The following REC114 variants were observed in gnomAD, a reference collection of about 807,000 sequenced individuals.
REC114 encodes REC114 meiotic recombination protein.
A neutral mutation model predicts 31.3 loss-of-function variants in REC114; 27 were observed. The ratio of observed to expected loss-of-function variants is 0.86; its 90% CI spans 0.64 to 1.19. The LOEUF (loss-of-function observed/expected upper bound fraction) is 1.19. Ranked by LOEUF, REC114 falls within the 50% of genes most tolerant of loss-of-function variation. REC114 has a pLI of 0.00. For missense variants in REC114, 344 were observed against 326.9 expected, an observed-to-expected ratio of 1.05 and a Z score of -0.40; for synonymous variants, 134 against 127.7, an observed-to-expected ratio of 1.05 and a Z score of -0.33.
intron 1 of REC114, among the ~76,000 whole-genome samples, chr15:73,459,024 T>G (rs141826960): frequency 3.3e-4 from 50 of 152,308 alleles, no homozygotes; most frequent in African/African-American, 1.1e-3. Context: ...CAAAAACAAC[T>G]ACTTAATGAG....
chr15:73,455,728 CA>C (rs1357581754), intron 1 of REC114, among the ~76,000 whole-genome samples: 2 of 152,122 alleles, frequency 1.3e-5, no homozygotes, highest in Non-Finnish European at 1.5e-5. Flanking sequence ...AATTCGGAAG[CA>C]AATAAACTTT....
At position 73,535,491 on chromosome 15, in the gene REC114, G is replaced by A. The variant is rs796644243; in HGVS notation, c.250-4994G>A. 1.8e-3 allele frequency among the ~76,000 whole-genome samples: 276 copies of A among 151,398 alleles called. 1 individual carries two copies. Among genetic ancestry groups the A allele is most frequent in the Middle Eastern group, 0.014 (4 of 292 alleles). ...AAGGGATGTGAAGGACCTCTTCAAG[G>A]AGAAGTACAAACCACTGCTCAAGGA... is the stretch of plus-strand genomic sequence containing the variant. On this transcript the variant is annotated intron_variant, in intron 2 of 5. Coordinates refer to ENST00000331090, the MANE Select transcript of REC114 (RefSeq NM_001042367.2).
chr15:73,520,430 C>T (rs1893920876), intron 2 of REC114, among the ~76,000 whole-genome samples: 1 of 152,118 alleles, frequency 6.6e-6, no homozygotes, highest in East Asian at 1.9e-4. Context: ...GGGGTTTCAC[C>T]ATGTTGGCCA....
chr15:73,546,746 G>T (rs1205285176), intron 3 of REC114, among the ~76,000 whole-genome samples: 2 of 151,312 alleles, frequency 1.3e-5, no homozygotes, highest in South Asian at 4.2e-4. Flanking sequence ...CCCGGGAAGT[G>T]GAGGTTGCGG....
At chr15:73,515,189 C>A (rs1340505519) in intron 2 of REC114, among the ~76,000 whole-genome samples, 1 of 152,124 alleles carries the variant, frequency 6.6e-6, no homozygotes, top group African/African-American at 2.4e-5. Flanking sequence ...CCTTGGCCTC[C>A]CAAAGTGCTG....
intron 1 of REC114, among the ~76,000 whole-genome samples, chr15:73,464,923 A>G (rs1893037099): frequency 6.6e-6 from 1 of 151,942 alleles, no homozygotes; most frequent in African/African-American, 2.4e-5. Context: ...ATGGAGTCTC[A>G]CTGTGTTGCC....
chr15:73,481,885 T>C (rs559780880), intron 2 of REC114, among the ~76,000 whole-genome samples: 1 of 152,122 alleles, frequency 6.6e-6, no homozygotes, highest in East Asian at 1.9e-4. Context: ...GGTCTCAAAC[T>C]CCTGAGCTTG....
intron 1 of REC114, among the ~76,000 whole-genome samples, chr15:73,454,009 C>A (rs1892885743): frequency 6.6e-6 from 1 of 152,000 alleles, no homozygotes; most frequent in Non-Finnish European, 1.5e-5. Context: ...AGGATAAATA[C>A]CTAATGTAGA....
chr15:73,513,492 C>G (rs1372075202), intron 2 of REC114, among the ~76,000 whole-genome samples: 96 of 149,112 alleles, frequency 6.4e-4, no homozygotes, highest in African/African-American at 2.2e-3. Context: ...TGGTGAGGAA[C>G]TGCGTTCCTT....
chr15:73,463,786 A>T (rs774365073), intron 1 of REC114, among the ~76,000 whole-genome samples: 55 of 150,558 alleles, frequency 3.7e-4, no homozygotes, highest in Middle Eastern at 3.4e-3. Flanking sequence ...GTGCCACTGC[A>T]CTCCAGCCTG....
At chr15:73,490,050 C>A (rs1893423394) in intron 2 of REC114, among the ~76,000 whole-genome samples, 2 of 152,230 alleles carry the variant, frequency 1.3e-5, no homozygotes, top group African/African-American at 4.8e-5. Context: ...TCTGATGACA[C>A]TTTGCTAGGC....
intron 2 of REC114, among the ~76,000 whole-genome samples, chr15:73,485,855 C>T (rs1056010426): frequency 6.6e-6 from 1 of 152,222 alleles, no homozygotes; most frequent in African/African-American, 2.4e-5. Flanking sequence ...AAACAAAGCT[C>T]TTCATAACTT....
At chr15:73,447,894 G>A (rs1357364416) in intron 1 of REC114, among the ~76,000 whole-genome samples, 2 of 151,992 alleles carry the variant, frequency 1.3e-5, no homozygotes, top group Admixed American at 6.6e-5. Flanking sequence ...CAAGGGTTGG[G>A]GAATCTCCCT....
intron 1 of REC114, among the ~76,000 whole-genome samples, chr15:73,453,956 C>T (rs984836080): frequency 1.4e-3 from 57 of 41,678 alleles, no homozygotes; most frequent in African/African-American, 5.0e-3. Context: ...CATCACACAC[C>T]GGGGTCTGTA....
rs149813038 is a variant in REC114, at chr15:73,515,671, C to T, written c.250-24814C>T. Among the ~76,000 whole-genome samples, 33 of 152,180 alleles carry T rather than the reference C, an allele frequency of 2.2e-4. No individual in the cohort carries two copies. The East Asian group carries it at 6.4e-3, about 29-fold the overall frequency. Reference sequence around the variant, plus strand: ...TCTCTCCCTTCTCTTGGTGCATGCACTGAAGAAAGGCCATGTGTGAGCACA... The same window carrying T: ...TCTCTCCCTTCTCTTGGTGCATGCATTGAAGAAAGGCCATGTGTGAGCACA... On this transcript the variant is annotated intron_variant, in intron 2 of 5. Transcript: ENST00000331090.
chr15:73,542,030 T>TC (rs1458197376), intron 3 of REC114, among the ~76,000 whole-genome samples: 1 of 152,064 alleles, frequency 6.6e-6, no homozygotes, highest in Non-Finnish European at 1.5e-5. Context: ...TCTTTTTTTT[T>TC]CACTTAAAAG....
At chr15:73,539,282 A>ATTTTTTTTTTTTTTTTTTTTTTTT (rs753968018) in intron 2 of REC114, among the ~76,000 whole-genome samples, 1 of 70,822 alleles carries the variant, frequency 1.4e-5, no homozygotes, top group African/African-American at 6.6e-5. Context: ...TTCAGAACTG[A>ATTTTTTTTTTTTTTTTTTTTTTTT]TTTTTTTTTT....
At chr15:73,495,295 AT>A (rs1893503624) in intron 2 of REC114, among the ~76,000 whole-genome samples, 1 of 151,788 alleles carries the variant, frequency 6.6e-6, no homozygotes, top group African/African-American at 2.4e-5. Flanking sequence ...GACTGTCTTT[AT>A]TTTTAGAGCT....
intron 2 of REC114, among the ~76,000 whole-genome samples, chr15:73,489,174 C>CCATTTT (rs1893411907): frequency 6.6e-6 from 1 of 150,998 alleles, no homozygotes; most frequent in African/African-American, 2.4e-5. Flanking sequence ...GACAGTGAAC[C>CCATTTT]CATTTTCTGA....
Sources: allele counts gnomAD v4.1 joint callset (sites outside exome capture counted in the v4.1 genomes callset), GRCh38; gene constraint gnomAD v4.1.1; transcripts MANE v1.5; gene names NCBI Gene and HGNC (gene_info 2026-07-23, HGNC 2026-07-21).